FSTL4: variants seen among roughly 807,000 people sequenced by gnomAD.
FSTL4 encodes the protein follistatin like 4, also known as follistatin-related protein 4.
Under a neutral mutation model 78.2 loss-of-function variants are expected in FSTL4, and 28 were observed. The observed-to-expected ratio is 0.36, with a 90% confidence interval of 0.27 to 0.49. The LOEUF is 0.49. Among genes scored for constraint, FSTL4 ranks in the 20% least tolerant of loss-of-function variants. The pLI is 0.98. For synonymous variants in FSTL4, 422 were observed against 440.5 expected (o/e 0.96, Z 0.53); for missense variants, 922 against 1,084.9 (o/e 0.85, Z 2.11).
At chr5:133,745,328 C>T in the FSTL4 span, among the ~76,000 whole-genome samples, 1 of 152,138 alleles carries the variant, frequency 6.6e-6, no homozygotes, top group Non-Finnish European at 1.5e-5. Context: ...ATTTAACAGG[C>T]AAAACAGCTG....
chr5:133,578,962 G>GAATGAGCA lies in FSTL4; in HGVS notation c.127-11751_127-11744dup, dbSNP rs201012539. 9.2e-3 allele frequency among the ~76,000 whole-genome samples: 1,398 copies of GAATGAGCA among 152,306 alleles called. 18 individuals are homozygous for GAATGAGCA. Among genetic ancestry groups the GAATGAGCA allele is most frequent in the African/African-American group, 0.031 (1,307 of 41,566 alleles). On this transcript the variant is annotated intron_variant, in intron 2 of 15. Transcript: ENST00000265342. ...TTTGGAAAGTAATCCACATCTCTCA[G>GAATGAGCA]AATGAGCAATCACCACGTCCAAGAC...
the FSTL4 span, among the ~76,000 whole-genome samples, chr5:133,733,025 C>T: frequency 6.6e-6 from 1 of 152,228 alleles, no homozygotes; most frequent in East Asian, 1.9e-4. Flanking sequence ...CTGACCCCCA[C>T]CTAGCATAGT....
At chr5:133,292,540 G>A (rs1380765431) in intron 6 of FSTL4, among the ~76,000 whole-genome samples, 4 of 140,424 alleles carry the variant, frequency 2.8e-5, no homozygotes, top group Non-Finnish European at 6.2e-5. Context: ...CTAGGCCTGA[G>A]GCCCACCTGT....
At chr5:133,677,458 A>G in the FSTL4 span, among the ~76,000 whole-genome samples, 1 of 152,218 alleles carries the variant, frequency 6.6e-6, no homozygotes, top group Admixed American at 6.5e-5. Context: ...GCCTCCAGCT[A>G]TGAAACCAGA....
chr5:133,641,278 A>AACAAAAAAAAC, the FSTL4 span, among the ~76,000 whole-genome samples: 46,113 of 151,960 alleles, frequency 0.3, 7,478 homozygotes, highest in Non-Finnish European at 0.35. Flanking sequence ...ACAAAAAAAA[A>AACAAAAAAAAC]CACGTACTGA....
At chr5:133,698,627 T>C in the FSTL4 span, among the ~76,000 whole-genome samples, 66 of 152,388 alleles carry the variant, frequency 4.3e-4, 2 homozygotes, top group South Asian at 0.013. Flanking sequence ...TTACAAGTGA[T>C]AATGCGTGTA....
chr5:133,337,993 G>A (rs1041764667), intron 4 of FSTL4, among the ~76,000 whole-genome samples: 5 of 152,180 alleles, frequency 3.3e-5, no homozygotes, highest in Non-Finnish European at 7.3e-5. Flanking sequence ...AGATGAGGGG[G>A]TTTGGGTGGT....
At chr5:133,808,584 A>C in the FSTL4 span, among the ~76,000 whole-genome samples, 1 of 152,164 alleles carries the variant, frequency 6.6e-6, no homozygotes, top group African/African-American at 2.4e-5. Flanking sequence ...AAAATCAAAA[A>C]ATTAAAGAGA....
chr5:133,792,254 C>G, the FSTL4 span, among the ~76,000 whole-genome samples: 7 of 152,260 alleles, frequency 4.6e-5, no homozygotes, highest in Non-Finnish European at 1.0e-4. Context: ...ATTAGGACTG[C>G]CCCTCCCAGC....
the FSTL4 span, among the ~76,000 whole-genome samples, chr5:133,780,443 T>C: frequency 6.6e-6 from 1 of 151,210 alleles, no homozygotes; most frequent in African/African-American, 2.4e-5. Context: ...TCAGTTATCT[T>C]CATGGCCCAA....
rs76447892 is a variant in FSTL4, at chr5:133,520,629, C to T, written c.160+46557G>A. Among the ~76,000 whole-genome samples, 217 of 152,180 alleles carry T rather than the reference C, an allele frequency of 1.4e-3. 2 individuals carry two copies. The East Asian group carries it at 0.039, about 27-fold the overall frequency. The stretch of plus-strand genomic sequence containing the variant: ...AGTGTAATCTTTGCCTGAGATCTGT[C>T]AGAAGGCAGGGGAGGGTGAAGAGTG... On this transcript the variant is annotated intron_variant, in intron 3 of 15. Transcript: ENST00000265342.
At chr5:133,274,049 C>G (rs996300201) in intron 6 of FSTL4, among the ~76,000 whole-genome samples, 2 of 152,222 alleles carry the variant, frequency 1.3e-5, no homozygotes, top group African/African-American at 4.8e-5. Context: ...AATGCCTGCA[C>G]TTTGAGGCCC....
intron 3 of FSTL4, among the ~76,000 whole-genome samples, chr5:133,457,557 T>G (rs1757516335): frequency 6.6e-6 from 1 of 152,246 alleles, no homozygotes; most frequent in African/African-American, 2.4e-5. Context: ...TGTGAAGCCC[T>G]GAAGGGATGC....
At chr5:133,570,888 A>G (rs371795186) in intron 2 of FSTL4, among the ~76,000 whole-genome samples, 25 of 152,312 alleles carry the variant, frequency 1.6e-4, no homozygotes, top group Admixed American at 1.2e-3. Context: ...ATAATATTCT[A>G]GAACTTAGAG....
At chr5:133,789,973 G>A in the FSTL4 span, among the ~76,000 whole-genome samples, 1 of 152,148 alleles carries the variant, frequency 6.6e-6, no homozygotes, top group Non-Finnish European at 1.5e-5. Context: ...ACCCCATAAC[G>A]CTGGGTCTGC....
At chr5:133,283,357 T>C (rs1753054351) in intron 6 of FSTL4, among the ~76,000 whole-genome samples, 1 of 152,062 alleles carries the variant, frequency 6.6e-6, no homozygotes, top group African/African-American at 2.4e-5. Context: ...CTTGTCCAAA[T>C]GGTGGACAGT....
chr5:133,756,726 T>G, the FSTL4 span, among the ~76,000 whole-genome samples: 1 of 152,276 alleles, frequency 6.6e-6, no homozygotes, highest in South Asian at 2.1e-4. Context: ...TGGTGCTGTC[T>G]GGACATAGCA....
At chr5:133,330,712 T>A (rs1262947522) in intron 4 of FSTL4, among the ~76,000 whole-genome samples, 1 of 152,144 alleles carries the variant, frequency 6.6e-6, no homozygotes, top group Non-Finnish European at 1.5e-5. Context: ...ATGACATGTA[T>A]CCATTTCAAG....
intron 4 of FSTL4, among the ~76,000 whole-genome samples, chr5:133,348,071 A>C (rs912690726): frequency 2.0e-5 from 3 of 152,174 alleles, no homozygotes; most frequent in Non-Finnish European, 2.9e-5. Flanking sequence ...TTTTCTCCTA[A>C]GTTCTTCCAC....
Sources: gnomAD v4.1 joint callset for allele counts (sites outside exome capture counted in the v4.1 genomes callset) on GRCh38, gnomAD v4.1.1 for gene constraint, MANE v1.5 for transcripts, NCBI Gene and HGNC (gene_info 2026-07-23, HGNC 2026-07-21) for gene names.